Variants in IMMP2L observed in about 807,000 individuals in gnomAD.
IMMP2L encodes mitochondrial inner membrane protease subunit 2.
In IMMP2L, 18 loss-of-function variants were observed where a neutral mutation model predicts 19.3. That is an observed-to-expected ratio of 0.93 (90% CI 0.64 to 1.38). The LOEUF (loss-of-function observed/expected upper bound fraction) is 1.38. IMMP2L is among the 40% of genes most tolerant of loss of function. The pLI, the probability that IMMP2L is intolerant of heterozygous loss-of-function variation, is 0.00. For synonymous variants in IMMP2L, 76 were observed against 73.0 expected, an observed-to-expected ratio of 1.04 and a Z score of -0.21; for missense variants, 233 against 218.2, an observed-to-expected ratio of 1.07 and a Z score of -0.43.
rs375063606 is a variant in IMMP2L at position 110,712,227 on chromosome 7, G to C, written c.409-48506C>G. On this transcript the variant is annotated intron_variant, in intron 5 of 5. Coordinates refer to ENST00000405709, the MANE Select transcript of IMMP2L (RefSeq NM_032549.4). ...TTCTGGTTGTTAGTTTTCCTTCTAA[G>C]AGACAGGACCCTCAGCTGCAGGTCT... Among the ~76,000 whole-genome samples the C allele has an allele frequency of 1.3e-4, 18 of 133,346 alleles. No individual in the cohort carries two copies. In the South Asian group the frequency reaches 1.4e-3, roughly 11 times the overall value. 87.5% of individuals were successfully genotyped at this position (133,346 alleles called of 152,430 possible).
chr7:110,870,785 G>A lies in IMMP2L; in HGVS notation c.408+15808C>T, dbSNP rs571559453. On this transcript the variant is annotated intron_variant, in intron 5 of 5. Transcript: ENST00000405709. The surrounding 1 kb of genome is among the most constrained non-coding windows in gnomAD (Gnocchi z 4.2). ...GAGATGGAGAGGCCATACAATGTGA[G>A]GGCCCTAAAGGCCATGGTCAAGGGA... Among the ~76,000 whole-genome samples, 9 of 152,296 alleles carry A rather than the reference G, an allele frequency of 5.9e-5. No individual in the cohort carries two copies. The highest frequency in any genetic ancestry group is 3.3e-4 in the Admixed American group (5 of 15,290).
At chr7:111,091,947 GT>G (rs1796917439) in intron 3 of IMMP2L, among the ~76,000 whole-genome samples, 1 of 152,154 alleles carries the variant, frequency 6.6e-6, no homozygotes, top group African/African-American at 2.4e-5. Flanking sequence ...ATTATTTGTA[GT>G]GAAAAGCAGA....
rs1201972674 is a variant in IMMP2L at position 111,421,906 on chromosome 7, T to A, written c.239+65332A>T. 2.0e-5 allele frequency among the ~76,000 whole-genome samples: 3 copies of A among 151,884 alleles called. No homozygotes were observed. In the South Asian group the frequency reaches 6.2e-4, roughly 31 times the overall value. On this transcript the variant is annotated intron_variant, in intron 3 of 5. Coordinates refer to ENST00000405709, the MANE Select transcript of IMMP2L (RefSeq NM_032549.4). The stretch of plus-strand genomic sequence containing the variant: ...TTGAATTAATTTTTGTATAAGGGGT[T>A]AGGAAGGGATCCAGTTTCAGCTTTC...
At chr7:111,483,040 T>C (rs1487828448) in intron 3 of IMMP2L, among the ~76,000 whole-genome samples, 1 of 152,186 alleles carries the variant, frequency 6.6e-6, no homozygotes, top group South Asian at 2.1e-4. Flanking sequence ...AGGTGAAATC[T>C]GAATAAGGTC....
At chr7:110,943,730 C>T (rs1431560516) in intron 4 of IMMP2L, among the ~76,000 whole-genome samples, 3 of 151,948 alleles carry the variant, frequency 2.0e-5, no homozygotes, top group Non-Finnish European at 1.5e-5. Flanking sequence ...TAGGGTGTTA[C>T]CACAGAAGAA....
rs141578945 is a variant in IMMP2L at position 110,999,831 on chromosome 7, G to A, written c.240-36266C>T. 7.1e-3 allele frequency among the ~76,000 whole-genome samples: 1,074 copies of A among 152,218 alleles called. 10 individuals are homozygous for A. The highest frequency in any genetic ancestry group is 0.021 in the African/African-American group (852 of 41,544). On this transcript the variant is annotated intron_variant, in intron 3 of 5. Coordinates refer to ENST00000405709, the MANE Select transcript of IMMP2L (RefSeq NM_032549.4). Reference sequence around the variant, plus strand: ...GAAAGAAGGACTTATTCCTCACCGAGTCTTTTCCTTGAGTGGGAATTTTGA... The same window carrying A: ...GAAAGAAGGACTTATTCCTCACCGAATCTTTTCCTTGAGTGGGAATTTTGA...
At chr7:111,269,898 A>G (rs1818261351) in intron 3 of IMMP2L, among the ~76,000 whole-genome samples, 2 of 152,116 alleles carry the variant, frequency 1.3e-5, no homozygotes, top group Non-Finnish European at 2.9e-5. Flanking sequence ...AGCTCTTATC[A>G]TGTTCTGATT....
chr7:111,329,163 C>T (rs950557428), intron 3 of IMMP2L, among the ~76,000 whole-genome samples: 19 of 151,620 alleles, frequency 1.3e-4, no homozygotes, highest in African/African-American at 4.4e-4. Flanking sequence ...GGATGTTGAG[C>T]GCTATTAAGA....
At position 110,877,071 on chromosome 7, in the gene IMMP2L, G is replaced by A. The variant is rs959050803; in HGVS notation, c.408+9522C>T. ...TCTCTTGCAAGTACTTAACTCAGCC[G>A]TTACAGAGGGAAAGCAGCCATAGTC... On this transcript the variant is annotated intron_variant, in intron 5 of 5. Coordinates refer to ENST00000405709, the MANE Select transcript of IMMP2L (RefSeq NM_032549.4). This position sits in a 1 kb window ranked among gnomAD's most constrained non-coding sequence, Gnocchi z 4.0. 4.6e-5 allele frequency among the ~76,000 whole-genome samples: 7 copies of A among 152,104 alleles called. No homozygotes were observed. The highest frequency in any genetic ancestry group is 9.6e-5 in the African/African-American group (4 of 41,452).
intron 5 of IMMP2L, among the ~76,000 whole-genome samples, chr7:110,774,704 T>C (rs1799259958): frequency 6.6e-6 from 1 of 152,044 alleles, no homozygotes; most frequent in Non-Finnish European, 1.5e-5. Flanking sequence ...AGTAACATGC[T>C]ATACAGGTTT....
intron 3 of IMMP2L, among the ~76,000 whole-genome samples, chr7:111,145,700 T>C (rs1012569486): frequency 1.3e-5 from 2 of 152,094 alleles, no homozygotes; most frequent in African/African-American, 4.8e-5. Context: ...GTCTGGTGGT[T>C]GCAAAGACTT....
rs1586092446 is a variant in IMMP2L, at chr7:111,073,424, A to G, written c.240-109859T>C. On this transcript the variant is annotated intron_variant, in intron 3 of 5. Transcript: ENST00000405709. Reference sequence around the variant, plus strand: ...TTTTTTACAAGTTTAAATTTTTTCCAAAATTGAAAGTTAAAAATTTAAAAA... The same window carrying G: ...TTTTTTACAAGTTTAAATTTTTTCCGAAATTGAAAGTTAAAAATTTAAAAA... Among the ~76,000 whole-genome samples, 3 of 152,170 alleles carry G rather than the reference A, an allele frequency of 2.0e-5. No homozygotes were observed. In the South Asian group the frequency reaches 6.2e-4, roughly 32 times the overall value.
intron 2 of IMMP2L, among the ~76,000 whole-genome samples, chr7:111,512,035 C>A (rs2132574369): frequency 6.6e-6 from 1 of 152,266 alleles, no homozygotes; most frequent in East Asian, 1.9e-4. Context: ...TATTACGTAT[C>A]TGCCCAAGAG....
chr7:111,110,211 C>T (rs1799041472), intron 3 of IMMP2L, among the ~76,000 whole-genome samples: 1 of 152,144 alleles, frequency 6.6e-6, no homozygotes, highest in Non-Finnish European at 1.5e-5. Context: ...CCTATCTGTT[C>T]ATGGATATTA....
intron 3 of IMMP2L, 140 bp downstream of exon 3, chr7:111,487,094 AATTG>A: frequency 2.3e-6 from 1 of 442,338 alleles, no homozygotes; most frequent in Non-Finnish European, 4.0e-6. Context: ...TACACTGCAA[AATTG>A]ATTTTTTAAA....
intron 2 of IMMP2L, among the ~76,000 whole-genome samples, chr7:111,520,638 C>T (rs1002026302): frequency 6.6e-6 from 1 of 152,058 alleles, no homozygotes; most frequent in Non-Finnish European, 1.5e-5. Flanking sequence ...GAACTTAATA[C>T]ATATTGATAA....
intron 5 of IMMP2L, among the ~76,000 whole-genome samples, chr7:110,871,799 T>G (rs1808563295): frequency 6.6e-6 from 1 of 152,266 alleles, no homozygotes; most frequent in East Asian, 1.9e-4. Flanking sequence ...AACAATATAG[T>G]TTTTTTAAGT....
intron 3 of IMMP2L, among the ~76,000 whole-genome samples, chr7:111,357,195 GTGT>G (rs937767094): frequency 6.6e-5 from 10 of 152,130 alleles, no homozygotes; most frequent in African/African-American, 2.4e-4. Context: ...ACACACATCT[GTGT>G]TGTTCTTTTC....
At chr7:111,310,367 T>C (rs1276229419) in intron 3 of IMMP2L, among the ~76,000 whole-genome samples, 1 of 152,040 alleles carries the variant, frequency 6.6e-6, no homozygotes, top group Non-Finnish European at 1.5e-5. Flanking sequence ...ACCTCTCATT[T>C]TCAATTTGGC....
Sources: allele counts gnomAD v4.1 joint callset (sites outside exome capture counted in the v4.1 genomes callset), GRCh38; gene constraint gnomAD v4.1.1; non-coding constraint Gnocchi (gnomAD v3.1); transcripts MANE v1.5; gene names NCBI Gene and HGNC (gene_info 2026-07-23, HGNC 2026-07-21).